The following CDKN2B-AS1 variants were observed in gnomAD, a reference collection of about 807,000 sequenced individuals.
CDKN2B-AS1 encodes CDKN2B and CDKN2A antisense cis and trans regulatory RNA 1.
intron 4 of CDKN2B-AS1, among the ~76,000 whole-genome samples, chr9:22,095,930 A>G (rs1182885322): frequency 6.6e-6 from 1 of 150,864 alleles, no homozygotes; most frequent in African/African-American, 2.4e-5. Context: ...TTTGTTTTCC[A>G]TTTGCTTGGT....
chr9:22,028,154 T>C (rs925870459), intron 1 of CDKN2B-AS1, among the ~76,000 whole-genome samples: 2 of 152,132 alleles, frequency 1.3e-5, no homozygotes, highest in African/African-American at 4.8e-5. Flanking sequence ...GTGTCCATGC[T>C]ATAATGATTC....
intron 4 of CDKN2B-AS1, among the ~76,000 whole-genome samples, chr9:22,091,852 AC>A (rs1304540503): frequency 6.6e-6 from 1 of 152,162 alleles, no homozygotes; most frequent in Non-Finnish European, 1.5e-5. Context: ...AGAACTTCCA[AC>A]ACTATGTTGA....
chr9:22,104,301 G>C (rs1825584606), intron 4 of CDKN2B-AS1, among the ~76,000 whole-genome samples: 1 of 152,212 alleles, frequency 6.6e-6, no homozygotes, highest in Admixed American at 6.5e-5. Flanking sequence ...AAAATGGTTA[G>C]AAGTGCAAAG....
At chr9:22,084,780 T>C (rs1171776731) in intron 4 of CDKN2B-AS1, among the ~76,000 whole-genome samples, 1 of 152,162 alleles carries the variant, frequency 6.6e-6, no homozygotes, top group East Asian at 1.9e-4. Flanking sequence ...ACTGTAAGAA[T>C]GAGTAGGGCT....
intron 4 of CDKN2B-AS1, among the ~76,000 whole-genome samples, chr9:22,106,570 A>G (rs1167539524): frequency 6.6e-6 from 1 of 152,170 alleles, no homozygotes; most frequent in East Asian, 1.9e-4. Flanking sequence ...TGAAGGTACT[A>G]GTACTAATTT....
intron 1 of CDKN2B-AS1, chr9:22,012,282 T>A: frequency 6.8e-7 from 1 of 1,471,494 alleles, no homozygotes; most frequent in Non-Finnish European, 9.5e-7. Context: ...AAGCAGCGTC[T>A]GATATTTGCC....
At chr9:22,046,366 G>C (rs1411651011) in intron 1 of CDKN2B-AS1, 1 of 152,054 alleles carries the variant, frequency 6.6e-6, no homozygotes, top group Non-Finnish European at 1.5e-5. Flanking sequence ...TCCTGTCAAA[G>C]ACCACATCAA....
intron 4 of CDKN2B-AS1, among the ~76,000 whole-genome samples, chr9:22,116,973 A>G (rs1034723460): frequency 6.6e-6 from 1 of 152,242 alleles, no homozygotes; most frequent in African/African-American, 2.4e-5. Flanking sequence ...CCTCACATAA[A>G]TATGGGAGGA....
intron 3 of CDKN2B-AS1, among the ~76,000 whole-genome samples, chr9:22,051,600 G>A (rs1823348772): frequency 6.6e-6 from 1 of 152,134 alleles, no homozygotes; most frequent in Non-Finnish European, 1.5e-5. Context: ...CAATTTGGCA[G>A]CATCCTACTG....
At chr9:22,105,506 A>G (rs1825628039) in intron 4 of CDKN2B-AS1, among the ~76,000 whole-genome samples, 1 of 152,036 alleles carries the variant, frequency 6.6e-6, no homozygotes. Flanking sequence ...ATATTTTCAC[A>G]AGGTCTCTCA....
chr9:22,017,430 G>A lies in CDKN2B-AS1; in HGVS notation n.29+22269G>A, dbSNP rs191542271. On this transcript the variant is annotated intron_variant and non_coding_transcript_variant, in intron 1 of 4. Transcript: ENST00000650946. ...GTTTCACACAAACCCAACTGAATTC[G>A]GACTCTATATGTGCTAGGCAAGTTT... Among the ~76,000 whole-genome samples the A allele has an allele frequency of 1.3e-3, 205 of 152,168 alleles. 1 individual carries two copies. The highest frequency in any genetic ancestry group is 4.6e-3 in the African/African-American group (189 of 41,512).
intron 4 of CDKN2B-AS1, among the ~76,000 whole-genome samples, chr9:22,089,830 C>CT (rs889540736): frequency 2.6e-5 from 4 of 151,834 alleles, no homozygotes; most frequent in African/African-American, 7.2e-5. Flanking sequence ...TTACTAAATT[C>CT]TTTTTTTTAA....
chr9:22,112,092 T>C (rs1447147869), intron 4 of CDKN2B-AS1: 1 of 152,216 alleles, frequency 6.6e-6, no homozygotes, highest in Non-Finnish European at 1.5e-5. Context: ...GTCACATCTC[T>C]GTTGGTTGTA....
chr9:22,099,161 G>A (rs1825393879), intron 4 of CDKN2B-AS1, among the ~76,000 whole-genome samples: 1 of 152,008 alleles, frequency 6.6e-6, no homozygotes, highest in Admixed American at 6.6e-5. Context: ...CCAGGGAGAG[G>A]GAACAACATG....
At chr9:22,086,212 G>T (rs993666383) in intron 4 of CDKN2B-AS1, among the ~76,000 whole-genome samples, 1 of 152,176 alleles carries the variant, frequency 6.6e-6, no homozygotes, top group Non-Finnish European at 1.5e-5. Flanking sequence ...CAAGGAGCTT[G>T]ATCAGTGTTT....
intron 4 of CDKN2B-AS1, among the ~76,000 whole-genome samples, chr9:22,104,087 AT>A (rs1335020284): frequency 6.6e-6 from 1 of 152,228 alleles, no homozygotes; most frequent in East Asian, 1.9e-4. Flanking sequence ...TTAAGCAGAT[AT>A]TACTAGGGAA....
At position 22,014,580 on chromosome 9, in the gene CDKN2B-AS1, T is replaced by C. The variant is rs572513442; in HGVS notation, n.29+19419T>C. Among the ~76,000 whole-genome samples the C allele has an allele frequency of 3.3e-5, 5 of 152,274 alleles. No individual in the cohort carries two copies. In the South Asian group the frequency reaches 1.0e-3, roughly 32 times the overall value. On this transcript the variant is annotated intron_variant and non_coding_transcript_variant, in intron 1 of 4. Transcript: ENST00000650946. ...GAAATGTATTTATAAATTTTCAAAA[T>C]AATGAGTTGAGTCCTAGAATCTTTC...
chr9:22,091,911 G>A (rs947963096), intron 4 of CDKN2B-AS1, among the ~76,000 whole-genome samples: 5 of 152,176 alleles, frequency 3.3e-5, no homozygotes, highest in African/African-American at 1.2e-4. Flanking sequence ...AGTTTTCAAA[G>A]GGAATGCTTC....
chr9:22,069,718 G>C (rs2131312621), intron 4 of CDKN2B-AS1, among the ~76,000 whole-genome samples: 1 of 152,170 alleles, frequency 6.6e-6, no homozygotes, highest in South Asian at 2.1e-4. Flanking sequence ...ATACCTTACT[G>C]TTAATCATAG....
Sources: allele counts gnomAD v4.1 joint callset (sites outside exome capture counted in the v4.1 genomes callset), GRCh38; gene constraint gnomAD v4.1.1; transcripts MANE v1.5; gene names NCBI Gene and HGNC (gene_info 2026-07-23, HGNC 2026-07-21).